Variants in FES observed in about 807,000 individuals in gnomAD.
FES encodes the protein FES proto-oncogene, tyrosine kinase.
A neutral mutation model predicts 109.6 loss-of-function variants in FES; 83 were observed. That is an observed-to-expected ratio of 0.76 (90% CI 0.63 to 0.91). The LOEUF (loss-of-function observed/expected upper bound fraction) is 0.91. Ranked by LOEUF, FES falls within the 40% of genes least tolerant of loss-of-function variation. The pLI, the probability that FES is intolerant of heterozygous loss-of-function variation, is 0.00. For synonymous variants in FES, 458 were observed against 442.1 expected, an observed-to-expected ratio of 1.04 and a Z score of -0.45; for missense variants, 943 against 1,070.9, an observed-to-expected ratio of 0.88 and a Z score of 1.67.
chr15:90,895,451 G>A lies in FES; in HGVS notation c.2362G>A (p.Ala788Thr), dbSNP rs754342865. ...RLPCPELCPD[A>T]VFRLMEQCWA... ...GCCCTGCCCAGAGCTGTGTCCTGATGCCGTGTTCAGGCTCATGGAGCAGTG... is the reference window on the plus strand; with the variant it reads ...GCCCTGCCCAGAGCTGTGTCCTGATACCGTGTTCAGGCTCATGGAGCAGTG... Residue 788 changes from alanine (A) to threonine (T), a missense_variant, in exon 19 of 19, where the codon GCC (alanine) becomes ACC (threonine). Coordinates refer to ENST00000328850, the MANE Select transcript of FES (RefSeq NM_002005.4). 2 of 1,585,354 alleles carry A rather than the reference G, an allele frequency of 1.3e-6. No homozygotes were observed. Among genetic ancestry groups the A allele is most frequent in the Non-Finnish European group, 1.7e-6 (2 of 1,163,304 alleles).
At chr15:90,891,441 C>G in intron 11 of FES, 113 bp from the exon 12 acceptor site, 4 of 1,450,160 alleles carry the variant, frequency 2.8e-6, no homozygotes, top group Non-Finnish European at 3.8e-6. Context: ...GGAGGTCTCT[C>G]TGCCCCTGGT....
In FES at chr15:90,889,297, CGG is replaced by C. The variant is rs552990153; in HGVS notation, c.669-5_669-4del. The C allele has an allele frequency of 2.4e-4, 395 of 1,612,774 alleles. 5 individuals are homozygous for C. In the South Asian group the frequency reaches 4.1e-3, roughly 17 times the overall value. ...GCTCCCCTGACTGGGGATCCCGTCTCGGGGGCAGGAAGGAGATCCTGCAGGAA... is the reference window on the plus strand; with the variant it reads ...GCTCCCCTGACTGGGGATCCCGTCTCGGGCAGGAAGGAGATCCTGCAGGAA... On this transcript the variant is annotated splice_region_variant and splice_polypyrimidine_tract_variant and intron_variant, in intron 5 of 18. Coordinates refer to ENST00000328850, the MANE Select transcript of FES (RefSeq NM_002005.4). The surrounding 1 kb of genome is among the most constrained non-coding windows in gnomAD (Gnocchi z 6.1).
chr15:90,892,723 T>G lies in FES; in HGVS notation c.1724T>G (p.Val575Gly), dbSNP rs770246294. ...CCGTTTCAGGGGAACTTTGGCGAAG[T>G]GTTCAGCGGACGCCTGCGAGCCGAC... ...EQIGRGNFGE[V>G]FSGRLRADNT... is the part of the protein sequence containing the mutation. The change falls in exon 14 of 19, where the codon GTG becomes GGG. Residue 575 changes from valine (V) to glycine (G), a missense_variant. Coordinates refer to ENST00000328850, the MANE Select transcript of FES (RefSeq NM_002005.4). 6.2e-7 allele frequency: 1 copy of G among 1,610,272 alleles called. No homozygotes were observed. Among genetic ancestry groups the G allele is most frequent in the South Asian group, 1.1e-5 (1 of 90,618 alleles).
rs1169390696 is a variant in FES at position 90,892,064 on chromosome 15, T to G, written c.1660T>G (p.Trp554Gly). ...TGTCTCCTCTCTTCCCCAGGACAAGTGGGTGCTGAACCATGAGGACCTGGT... is the reference window on the plus strand; with the variant it reads ...TGTCTCCTCTCTTCCCCAGGACAAGGGGGTGCTGAACCATGAGGACCTGGT... ...VLHRAVPKDKWVLNHEDLVLG... is the reference protein window; with the variant it reads ...VLHRAVPKDKGVLNHEDLVLG... Residue 554 changes from tryptophan to glycine, a missense_variant, in exon 13 of 19, where the codon TGG (tryptophan) becomes GGG (glycine). Physicochemically the swap from Trp to Gly is radical, Grantham distance 184. Transcript: ENST00000328850. 1 of 1,614,112 alleles carries G rather than the reference T, an allele frequency of 6.2e-7. No individual in the cohort carries two copies. The highest frequency in any genetic ancestry group is 1.7e-5 in the Admixed American group (1 of 60,028).
chr15:90,888,931 A>G (rs2032930095), intron 5 of FES, among the ~76,000 whole-genome samples: 1 of 152,002 alleles, frequency 6.6e-6, no homozygotes, highest in Admixed American at 6.6e-5. Context: ...GACTACAGGC[A>G]TGTGCCACCA....
intron 18 of FES, among the ~76,000 whole-genome samples, chr15:90,895,172 G>T (rs140880502): frequency 6.6e-6 from 1 of 152,224 alleles, no homozygotes; most frequent in East Asian, 1.9e-4. Flanking sequence ...TACATGTGTG[G>T]TAGGGATTAA....
At chr15:90,892,471 AT>A in intron 13 of FES, 2 of 580,696 alleles carry the variant, frequency 3.4e-6, no homozygotes, top group East Asian at 5.6e-5. Flanking sequence ...AGGGAGAGTG[AT>A]TTTTGGATTT....
Position 90,895,751 on chromosome 15 carries a change from C to A in FES, c.*193C>A. On this transcript the variant is annotated 3_prime_UTR_variant, in exon 19 of 19. Coordinates refer to ENST00000328850, the MANE Select transcript of FES (RefSeq NM_002005.4). ...CAGGGCTTCCTCTTCCGGGCAGAAA[C>A]AATAAAACCACTTGTGCCCACTGAA... 4.2e-6 allele frequency: 2 copies of A among 479,932 alleles called. No individual in the cohort carries two copies. Among genetic ancestry groups the A allele is most frequent in the Middle Eastern group, 5.4e-4 (1 of 1,856 alleles). The allele number at this position is 479,932 out of a possible 1,614,324, so 29.7% of individuals were successfully genotyped here.
At chr15:90,885,658 G>A in intron 3 of FES, 73 bp downstream of exon 3, 2 of 1,536,802 alleles carry the variant, frequency 1.3e-6, no homozygotes, top group Admixed American at 4.2e-5. Context: ...TTTTGCACAA[G>A]AGGCCCTGGA....
Position 90,893,412 on chromosome 15 carries a change from C to T in FES, c.2043C>T (p.His681=), listed in dbSNP as rs1046738283. Residue 681 remains histidine (H), a splice_region_variant and synonymous_variant, in exon 16 of 19, where the codon CAC becomes CAT. Coordinates refer to ENST00000328850, the MANE Select transcript of FES (RefSeq NM_002005.4). The part of the protein sequence containing the change: ...MEYLESKCCI[H]RDLAARNCLV... Reference sequence around the variant, plus strand: ...ACCTGGAGAGCAAGTGCTGCATCCACCGGTGAGTGGGCGGTGGCCACGGGC... The same window carrying T: ...ACCTGGAGAGCAAGTGCTGCATCCATCGGTGAGTGGGCGGTGGCCACGGGC... 3 of 1,540,038 alleles carry T rather than the reference C, an allele frequency of 1.9e-6. No individual in the cohort carries two copies. Among genetic ancestry groups the T allele is most frequent in the African/African-American group, 1.4e-5 (1 of 72,542 alleles).
At position 90,887,018 on chromosome 15, in the gene FES, A is replaced by AGT. The variant is rs1351026530; in HGVS notation, c.447_448dup (p.Ala150ValfsTer75). The AGT allele has an allele frequency of 6.2e-7, 1 of 1,614,182 alleles. No homozygotes were observed. Among genetic ancestry groups the AGT allele is most frequent in the Non-Finnish European group, 8.5e-7 (1 of 1,180,024 alleles). ...CCAGTACCGAGCTCTGGCACGGGAC[A>AGT]GTGCCCAAGCCAAGCGCAAGTACCA... On this transcript the variant is annotated frameshift_variant, in exon 4 of 19. Coordinates refer to ENST00000328850, the MANE Select transcript of FES (RefSeq NM_002005.4). LOFTEE classifies it high-confidence loss of function.
rs1407191202 is a variant in FES, at chr15:90,893,678, G to A, written c.2070G>A (p.Leu690=). The A allele has an allele frequency of 1.2e-6, 2 of 1,605,192 alleles. No individual in the cohort carries two copies. ...IHRDLAARNC[L]VTEKNVLKIS... ...GGGACCTGGCTGCTCGGAACTGCCT[G>A]GTGACAGAGAAGAATGTCCTGAAGA... is the stretch of plus-strand genomic sequence containing the variant. The change falls in exon 17 of 19, where the codon CTG becomes CTA. Residue 690 remains leucine (L), a synonymous_variant. Transcript: ENST00000328850.
chr15:90,894,317 G>A (rs1045121184), intron 18 of FES, among the ~76,000 whole-genome samples: 1 of 152,194 alleles, frequency 6.6e-6, no homozygotes, highest in African/African-American at 2.4e-5. Context: ...GGGCACGGTG[G>A]CTCACACCTG....
chr15:90,892,588 G>C (rs1021318213), intron 13 of FES, 119 bp from the exon 14 acceptor site: 2 of 848,308 alleles, frequency 2.4e-6, no homozygotes, highest in Non-Finnish European at 3.7e-6. Flanking sequence ...CAGAGAGCCT[G>C]GGTGAGGGGT....
chr15:90,885,246 C>A lies in FES; in HGVS notation c.201C>A (p.Ser67Arg). The change falls in exon 2 of 19, where the codon AGC (serine) becomes AGA (arginine). Residue 67 changes from serine (S) to arginine (R), a missense_variant. By Grantham distance (110) the Ser-to-Arg change is moderately radical. Transcript: ENST00000328850. ...GGQSRAISPD[S>R]PISQSWAEIT... ...AGAGCCGGGCCATCAGCCCTGACAG[C>A]CCCATCAGTCAGGTGGGTCTCTATG... is the stretch of plus-strand genomic sequence containing the variant. 1 of 1,612,532 alleles carries A rather than the reference C, an allele frequency of 6.2e-7. No individual in the cohort carries two copies. Among genetic ancestry groups the A allele is most frequent in the Non-Finnish European group, 8.5e-7 (1 of 1,179,756 alleles).
chr15:90,893,530 C>A, intron 16 of FES, 116 bp downstream of exon 16: 1 of 1,489,440 alleles, frequency 6.7e-7, no homozygotes. Context: ...GGGGAGTTGG[C>A]CTCTGTGGTA....
chr15:90,888,818 G>A (rs1596100222), intron 5 of FES, among the ~76,000 whole-genome samples: 1 of 150,348 alleles, frequency 6.7e-6, no homozygotes, highest in South Asian at 2.1e-4. Context: ...TCATTCTTTC[G>A]CCAGGCTGGA....
intron 18 of FES, 22 bp downstream of exon 18, chr15:90,894,080 C>G: frequency 6.2e-7 from 1 of 1,612,528 alleles, no homozygotes. Context: ...GTGATGACAG[C>G]AGCCTCAGGC....
Position 90,885,600 on chromosome 15 carries a change from C to T in FES, c.387+15C>T, listed in dbSNP as rs781108586. ...AGCTCACCAAGGTGAGCGGGCAGCA[C>T]TGGGGCTTCGGTCATTTCTGTCTAA... is the stretch of plus-strand genomic sequence containing the variant. On this transcript the variant is annotated intron_variant, in intron 3 of 18. Coordinates refer to ENST00000328850, the MANE Select transcript of FES (RefSeq NM_002005.4). The T allele has an allele frequency of 5.0e-6, 8 of 1,608,550 alleles. No homozygotes were observed. The African/African-American group carries it at 9.4e-5, about 19-fold the overall frequency.
Sources: allele counts gnomAD v4.1 joint callset (sites outside exome capture counted in the v4.1 genomes callset), GRCh38; gene constraint gnomAD v4.1.1; non-coding constraint Gnocchi (gnomAD v3.1); transcripts MANE v1.5; gene names NCBI Gene and HGNC (gene_info 2026-07-23, HGNC 2026-07-21).